SNTG1: variants seen among roughly 807,000 people sequenced by gnomAD.
SNTG1 encodes the protein gamma-1-syntrophin.
SNTG1 carries 39 observed loss-of-function variants against 74.7 expected under a neutral mutation model. That is an observed-to-expected ratio of 0.52 (90% CI 0.40 to 0.68). The LOEUF is 0.68. Among genes scored for constraint, SNTG1 ranks in the 30% least tolerant of loss-of-function variants. The pLI is 0.00. For synonymous variants in SNTG1, 254 were observed against 217.1 expected (o/e 1.17, Z -1.49); for missense variants, 685 against 609.5 (o/e 1.12, Z -1.30).
At chr8:50,148,148 ATATC>A (rs1411359527) in intron 1 of SNTG1, among the ~76,000 whole-genome samples, 3 of 152,136 alleles carry the variant, frequency 2.0e-5, no homozygotes, top group African/African-American at 7.2e-5. Flanking sequence ...GTATATGTAT[ATATC>A]TATAGACACT....
rs143371883 is a variant in SNTG1 at position 50,079,536 on chromosome 8, T to A, written c.-102-93025T>A. On this transcript the variant is annotated intron_variant, in intron 1 of 18. Coordinates refer to ENST00000642720, the MANE Select transcript of SNTG1 (RefSeq NM_018967.5). ...GTTGCCTGTTCACTCTGATGCTAGTTTCTTTTGCTGAGCAGAAGCTCTTTA... is the reference window on the plus strand; with the variant it reads ...GTTGCCTGTTCACTCTGATGCTAGTATCTTTTGCTGAGCAGAAGCTCTTTA... Among the ~76,000 whole-genome samples, 14 of 152,300 alleles carry A rather than the reference T, an allele frequency of 9.2e-5. No individual in the cohort carries two copies. In the East Asian group the frequency reaches 2.3e-3, roughly 25 times the overall value.
At chr8:49,999,446 C>T (rs1020159925) in intron 1 of SNTG1, among the ~76,000 whole-genome samples, 1 of 152,284 alleles carries the variant, frequency 6.6e-6, no homozygotes, top group Non-Finnish European at 1.5e-5. Flanking sequence ...ATTCTTGACA[C>T]AACAGCCACA....
intron 2 of SNTG1, among the ~76,000 whole-genome samples, chr8:50,260,441 C>A (rs1172776896): frequency 6.6e-6 from 1 of 152,058 alleles, no homozygotes; most frequent in Non-Finnish European, 1.5e-5. Flanking sequence ...CCACACACAA[C>A]TTACAAATGC....
intron 8 of SNTG1, among the ~76,000 whole-genome samples, chr8:50,488,398 C>T (rs1013228008): frequency 5.9e-5 from 9 of 152,148 alleles, no homozygotes; most frequent in African/African-American, 2.2e-4. Context: ...CTAGCATGCC[C>T]TTTACCTAAG....
At position 50,103,033 on chromosome 8, in the gene SNTG1, G is replaced by C. The variant is rs1429118141; in HGVS notation, c.-102-69528G>C. ...TGTTCTTTTGGCTTAGGATTGACTT[G>C]GCGATGCGGGCTCTTTTTTGGTTCC... On this transcript the variant is annotated intron_variant, in intron 1 of 18. Transcript: ENST00000642720. 2.5e-3 allele frequency among the ~76,000 whole-genome samples: 374 copies of C among 151,900 alleles called. 2 individuals are homozygous for C. The highest frequency in any genetic ancestry group is 3.5e-3 in the Non-Finnish European group (240 of 67,946).
intron 2 of SNTG1, among the ~76,000 whole-genome samples, chr8:50,309,573 G>A (rs951480993): frequency 1.3e-5 from 2 of 152,144 alleles, no homozygotes. Context: ...TTAATTTAGG[G>A]CAAATTGATT....
intron 18 of SNTG1, among the ~76,000 whole-genome samples, chr8:50,777,431 T>C (rs981596770): frequency 6.6e-6 from 1 of 150,528 alleles, no homozygotes; most frequent in African/African-American, 2.4e-5. Flanking sequence ...TCTGTTATTA[T>C]ATTTATCAGT....
intron 1 of SNTG1, among the ~76,000 whole-genome samples, chr8:50,165,750 T>C (rs894933962): frequency 6.6e-6 from 1 of 152,182 alleles, no homozygotes; most frequent in Non-Finnish European, 1.5e-5. Flanking sequence ...GATCGAGATA[T>C]ATGTTGATAC....
chr8:49,918,993 C>T (rs1345522989), intron 1 of SNTG1, among the ~76,000 whole-genome samples: 1 of 152,048 alleles, frequency 6.6e-6, no homozygotes, highest in Non-Finnish European at 1.5e-5. Flanking sequence ...AAATACTATC[C>T]GCATTCTTCA....
chr8:50,348,392 CT>C, intron 2 of SNTG1, among the ~76,000 whole-genome samples: 1 of 152,276 alleles, frequency 6.6e-6, no homozygotes, highest in South Asian at 2.1e-4. Context: ...CTACCCGCTC[CT>C]TTCTGGAGTT....
Position 50,512,993 on chromosome 8 carries a change from T to G in SNTG1, c.466+10113T>G, listed in dbSNP as rs1454411907. Among the ~76,000 whole-genome samples the G allele has an allele frequency of 4.6e-5, 7 of 152,218 alleles. No individual in the cohort carries two copies. The East Asian group carries it at 1.4e-3, about 29-fold the overall frequency. On this transcript the variant is annotated intron_variant, in intron 9 of 18. Transcript: ENST00000642720. ...TTCCTTTGGAAGAAGAGAGTCACTC[T>G]GATTTTTAGAGTTTCCAGTTTTTCT...
At chr8:50,574,262 G>T (rs992306274) in intron 12 of SNTG1, among the ~76,000 whole-genome samples, 1 of 151,902 alleles carries the variant, frequency 6.6e-6, no homozygotes, top group Non-Finnish European at 1.5e-5. Context: ...TTCATCTTGG[G>T]TATTTAGTAT....
intron 2 of SNTG1, among the ~76,000 whole-genome samples, chr8:50,235,320 T>C (rs1162223376): frequency 6.6e-6 from 1 of 152,142 alleles, no homozygotes; most frequent in African/African-American, 2.4e-5. Context: ...GAGGGCATTA[T>C]GTTAAGTGAA....
intron 1 of SNTG1, among the ~76,000 whole-genome samples, chr8:49,937,002 C>T (rs776778895): frequency 2.5e-4 from 38 of 151,976 alleles, no homozygotes; most frequent in East Asian, 7.8e-4. Flanking sequence ...TACAAAAATT[C>T]GCCGGACGTG....
intron 1 of SNTG1, among the ~76,000 whole-genome samples, chr8:50,113,102 G>A (rs887877632): frequency 1.3e-5 from 2 of 152,102 alleles, no homozygotes; most frequent in African/African-American, 4.8e-5. Context: ...GGTTCCATAT[G>A]AATTTTAAAG....
rs564467095 is a variant in SNTG1, at chr8:50,724,457, T to C, written c.1284+15479T>C. ...TAATAAATAATTATTAGCTAACAAATTGGTTTCCTGGTATTGGTTCACCTG... is the reference window on the plus strand; with the variant it reads ...TAATAAATAATTATTAGCTAACAAACTGGTTTCCTGGTATTGGTTCACCTG... On this transcript the variant is annotated intron_variant, in intron 17 of 18. Transcript: ENST00000642720. Among the ~76,000 whole-genome samples, 6 of 152,186 alleles carry C rather than the reference T, an allele frequency of 3.9e-5. No individual in the cohort carries two copies. In the South Asian group the frequency reaches 1.0e-3, roughly 26 times the overall value.
chr8:50,041,132 A>T (rs1182354383), intron 1 of SNTG1, among the ~76,000 whole-genome samples: 1 of 152,092 alleles, frequency 6.6e-6, no homozygotes, highest in African/African-American at 2.4e-5. Context: ...CCGACCTCAG[A>T]TGATCCATCT....
chr8:50,172,753 C>A (rs1586580234), intron 2 of SNTG1, 118 bp downstream of exon 2: 1 of 139,320 alleles, frequency 7.2e-6, no homozygotes. Context: ...TTTGAAGCTT[C>A]TTTCTCTGTT....
intron 1 of SNTG1, among the ~76,000 whole-genome samples, chr8:50,014,487 C>T (rs1333866481): frequency 6.6e-6 from 1 of 152,142 alleles, no homozygotes; most frequent in Middle Eastern, 3.2e-3. Flanking sequence ...CTCTGAAATA[C>T]TCTTGGGTAT....
Sources: allele counts gnomAD v4.1 joint callset (sites outside exome capture counted in the v4.1 genomes callset), GRCh38; gene constraint gnomAD v4.1.1; transcripts MANE v1.5; gene names NCBI Gene and HGNC (gene_info 2026-07-23, HGNC 2026-07-21).